Variants in HTRA1 observed in about 807,000 individuals in gnomAD.
HTRA1 encodes serine protease HTRA1.
In HTRA1, 26 loss-of-function variants were observed where a neutral mutation model predicts 49.7. The observed-to-expected ratio is 0.52, with a 90% CI of 0.38 to 0.73. The LOEUF is 0.73. HTRA1 is among the 30% of genes least tolerant of loss of function. The probability of loss-of-function intolerance (pLI) is 0.00; values close to 1 mark genes in which losing one functional copy is unlikely to be tolerated. For missense variants in HTRA1, 561 were observed against 667.2 expected (o/e 0.84, Z 1.75); for synonymous variants, 291 against 286.9 (o/e 1.01, Z -0.14).
At chr10:122,477,848 T>A (rs1591028227) in intron 1 of HTRA1, among the ~76,000 whole-genome samples, 1 of 152,352 alleles carries the variant, frequency 6.6e-6, no homozygotes, top group East Asian at 1.9e-4. Context: ...TTCCAACCTC[T>A]GCATGATGCA....
chr10:122,468,049 T>G (rs534280859), intron 1 of HTRA1, among the ~76,000 whole-genome samples: 12 of 152,312 alleles, frequency 7.9e-5, no homozygotes, highest in Non-Finnish European at 1.5e-5. Flanking sequence ...ATTTCTAAAT[T>G]CATTCAGAGC....
chr10:122,489,743 G>C, intron 3 of HTRA1, 117 bp downstream of exon 3: 1 of 955,026 alleles, frequency 1.0e-6, no homozygotes, highest in Non-Finnish European at 1.6e-6. Flanking sequence ...GCCAGTCTGA[G>C]CCAGTCACAG....
At chr10:122,501,860 G>A (rs546784020) in intron 3 of HTRA1, among the ~76,000 whole-genome samples, 2 of 152,038 alleles carry the variant, frequency 1.3e-5, no homozygotes, top group East Asian at 1.9e-4. Context: ...ATGGAGGGAA[G>A]GAAGGAGCCT....
chr10:122,489,664 T>C, intron 3 of HTRA1, 38 bp downstream of exon 3: 1 of 1,586,300 alleles, frequency 6.3e-7, no homozygotes. Flanking sequence ...AGTTCTCAGA[T>C]GCCCCGGAAC....
chr10:122,490,130 C>T lies in HTRA1; in HGVS notation c.777+504C>T, dbSNP rs371269141. 4.6e-4 allele frequency among the ~76,000 whole-genome samples: 70 copies of T among 152,260 alleles called. No individual in the cohort carries two copies. The highest frequency in any genetic ancestry group is 1.6e-3 in the African/African-American group (66 of 41,546). ...TGAGATGTGTTTCAAAAGAATGTTTCGTACTTTAAACATCTTGGAAAACTT... is the reference window on the plus strand; with the variant it reads ...TGAGATGTGTTTCAAAAGAATGTTTTGTACTTTAAACATCTTGGAAAACTT... On this transcript the variant is annotated intron_variant, in intron 3 of 8. Coordinates refer to ENST00000368984, the MANE Select transcript of HTRA1 (RefSeq NM_002775.5). The surrounding 1 kb of genome is among the most constrained non-coding windows in gnomAD (Gnocchi z 4.2).
At chr10:122,499,583 T>A (rs996054900) in intron 3 of HTRA1, among the ~76,000 whole-genome samples, 5 of 152,162 alleles carry the variant, frequency 3.3e-5, no homozygotes, top group Non-Finnish European at 7.4e-5. Flanking sequence ...CCCCTGCCCA[T>A]GTGCTCACTT....
intron 3 of HTRA1, among the ~76,000 whole-genome samples, chr10:122,498,099 C>T (rs1269056983): frequency 1.3e-5 from 2 of 152,240 alleles, no homozygotes; most frequent in Non-Finnish European, 1.5e-5. Context: ...TCATAAACAC[C>T]GAGGAGGAAA....
chr10:122,499,211 C>T lies in HTRA1; in HGVS notation c.778-7480C>T, dbSNP rs1054738372. On this transcript the variant is annotated intron_variant, in intron 3 of 8. Coordinates refer to ENST00000368984, the MANE Select transcript of HTRA1 (RefSeq NM_002775.5). ...GGGACCCTAGGGAAGATGCTTGGCT[C>T]GACTTCCCCACCCCTAGCCAGGGCA... Among the ~76,000 whole-genome samples, 7 of 152,080 alleles carry T rather than the reference C, an allele frequency of 4.6e-5. No individual in the cohort carries two copies. In the East Asian group the frequency reaches 9.7e-4, roughly 21 times the overall value.
chr10:122,465,374 G>T (rs574246933), intron 1 of HTRA1, among the ~76,000 whole-genome samples: 5 of 152,182 alleles, frequency 3.3e-5, no homozygotes, highest in Non-Finnish European at 2.9e-5. Flanking sequence ...TCTATGCCGG[G>T]TGCATACTAA....
At chr10:122,486,705 T>C (rs925796582) in intron 1 of HTRA1, among the ~76,000 whole-genome samples, 2 of 151,942 alleles carry the variant, frequency 1.3e-5, no homozygotes, top group African/African-American at 2.4e-5. Flanking sequence ...GCCTAGAGCC[T>C]GGGGAAGGGT....
At position 122,494,933 on chromosome 10, in the gene HTRA1, A is replaced by C. The variant is rs537444895; in HGVS notation, c.777+5307A>C. 5.4e-4 allele frequency among the ~76,000 whole-genome samples: 82 copies of C among 152,182 alleles called. 2 individuals are homozygous for C. Among genetic ancestry groups the C allele is most frequent in the Admixed American group, 4.0e-3 (61 of 15,294 alleles). On this transcript the variant is annotated intron_variant, in intron 3 of 8. Coordinates refer to ENST00000368984, the MANE Select transcript of HTRA1 (RefSeq NM_002775.5). This position sits in a 1 kb window ranked among gnomAD's most constrained non-coding sequence, Gnocchi z 4.0. ...CAGAACTTGGCCCTGCGCATGGTGA[A>C]TCTTCCCTGAGTCAGCTGAGTGAGG...
intron 3 of HTRA1, among the ~76,000 whole-genome samples, chr10:122,502,295 T>C (rs2097501220): frequency 6.6e-6 from 1 of 152,236 alleles, no homozygotes; most frequent in South Asian, 2.1e-4. Flanking sequence ...TGTGAAACGA[T>C]GCTGCTTGTT....
intron 1 of HTRA1, among the ~76,000 whole-genome samples, chr10:122,478,423 C>T (rs549491845): frequency 7.9e-4 from 101 of 127,606 alleles, no homozygotes; most frequent in African/African-American, 2.9e-3. Context: ...GACGGACTCT[C>T]ACTCTGTTGC....
intron 3 of HTRA1, among the ~76,000 whole-genome samples, chr10:122,491,366 A>G (rs1380486759): frequency 6.6e-6 from 1 of 152,220 alleles, no homozygotes; most frequent in African/African-American, 2.4e-5. Flanking sequence ...TGGTTTAGGA[A>G]CAGGCTGCTA....
rs757392715 is a variant in HTRA1, at chr10:122,506,718, C to T, written c.805C>T (p.Arg269Cys). ...CAAGCTGCCTGTCCTGCTGCTTGGC[C>T]GCTCCTCAGAGCTGCGGCCGGGAGA... ...QGKLPVLLLG[R>C]SSELRPGEFV... The change falls in exon 4 of 9, where the codon CGC becomes TGC. Residue 269 changes from arginine to cysteine, a missense_variant. Physicochemically the swap from Arg to Cys is radical, Grantham distance 180. Coordinates refer to ENST00000368984, the MANE Select transcript of HTRA1 (RefSeq NM_002775.5). The surrounding 1 kb of genome is among the most constrained non-coding windows in gnomAD (Gnocchi z 5.2). 30 of 1,613,266 alleles carry T rather than the reference C, an allele frequency of 1.9e-5. No individual in the cohort carries two copies. In the South Asian group the frequency reaches 2.2e-4, roughly 12 times the overall value.
In HTRA1 at chr10:122,466,095, A is replaced by G. The variant is rs529943347; in HGVS notation, c.472+3971A>G. ...CAGAGCCTCTAAAGGCAGAGGCTGT[A>G]TGTACATACCTGGTGAAGAACCAAG... is the stretch of plus-strand genomic sequence containing the variant. On this transcript the variant is annotated intron_variant, in intron 1 of 8. Transcript: ENST00000368984. Among the ~76,000 whole-genome samples, 16 of 152,272 alleles carry G rather than the reference A, an allele frequency of 1.1e-4. 1 individual carries two copies. Among genetic ancestry groups the G allele is most frequent in the African/African-American group, 3.8e-4 (16 of 41,562 alleles).
At position 122,514,843 on chromosome 10, in the gene HTRA1, A is replaced by C; in HGVS notation, c.*484A>C. On this transcript the variant is annotated 3_prime_UTR_variant, in exon 9 of 9. Transcript: ENST00000368984. ...ACGGCCGAAGTTGCCTCTTTTAGGA[A>C]TCTCTTTGGAATTGGGAGCACGATG... 5.1e-6 allele frequency: 1 copy of C among 194,558 alleles called. No homozygotes were observed. The highest frequency in any genetic ancestry group is 2.3e-5 in the African/African-American group (1 of 42,896). 12.1% of individuals were successfully genotyped at this position (194,558 alleles called of 1,614,324 possible). A position where few individuals can be genotyped will look rare whatever the true frequency, so the allele number is the denominator to read the frequency against.
chr10:122,463,863 T>C (rs2097482665), intron 1 of HTRA1, among the ~76,000 whole-genome samples: 1 of 152,294 alleles, frequency 6.6e-6, no homozygotes, highest in South Asian at 2.1e-4. Flanking sequence ...GGGAACAGCA[T>C]ACACAAAGCC....
At chr10:122,507,335 C>A in intron 4 of HTRA1, 35 bp from the exon 5 acceptor site, 2 of 1,593,658 alleles carry the variant, frequency 1.3e-6, no homozygotes, top group Non-Finnish European at 1.7e-6. Context: ...TGTTATGACA[C>A]GATTTGTAAC....
Sources: allele counts gnomAD v4.1 joint callset (sites outside exome capture counted in the v4.1 genomes callset), GRCh38; gene constraint gnomAD v4.1.1; non-coding constraint Gnocchi (gnomAD v3.1); transcripts MANE v1.5; gene names NCBI Gene and HGNC (gene_info 2026-07-23, HGNC 2026-07-21).